The following IL25 variants were observed in gnomAD, a reference collection of about 807,000 sequenced individuals.
The protein encoded by IL25 is interleukin-25.
A neutral mutation model predicts 13.2 loss-of-function variants in IL25; 10 were observed. That is an observed-to-expected ratio of 0.76 (90% CI 0.47 to 1.29). The LOEUF (loss-of-function observed/expected upper bound fraction) is 1.29. IL25 is among the 50% of genes most tolerant of loss of function. The pLI is 0.00. For missense variants in IL25, 235 were observed against 232.4 expected (o/e 1.01, Z -0.07); for synonymous variants, 107 against 92.1 (o/e 1.16, Z -0.93).
In IL25 at chr14:23,373,459, A is replaced by T; in HGVS notation, c.278+63A>T. The T allele has an allele frequency of 2.1e-6, 3 of 1,414,212 alleles. No homozygotes were observed. In the Admixed American group the frequency reaches 5.9e-5, roughly 28 times the overall value. 87.6% of individuals were successfully genotyped at this position (1,414,212 alleles called of 1,614,324 possible). A position where few individuals can be genotyped will look rare whatever the true frequency, so the allele number is the denominator to read the frequency against. ...GTGCTGGCCAGGGTATGCGTGAGGG[A>T]CCAGGGCAATTCCAGCTTACTTTCC... On this transcript the variant is annotated intron_variant, in intron 1 of 1. Transcript: ENST00000329715.
Position 23,372,941 on chromosome 14 carries a change from T to A in IL25, c.-178T>A. The A allele has an allele frequency of 6.2e-7, 1 of 1,611,860 alleles. No homozygotes were observed. The highest frequency in any genetic ancestry group is 8.5e-7 in the Non-Finnish European group (1 of 1,178,366). ...CGAGGCCTGTCAGTCAGTGCCCCAC[T>A]TGTGACTGAGTGTGCAGTGCCCAGC... is the stretch of plus-strand genomic sequence containing the variant. On this transcript the variant is annotated 5_prime_UTR_variant, in exon 1 of 2. It adds an upstream start codon to the 5' untranslated region. Transcript: ENST00000329715.
Position 23,375,444 on chromosome 14 carries a change from G to C in IL25, c.279-181G>C, listed in dbSNP as rs11465520. Among the ~76,000 whole-genome samples, 136 of 152,262 alleles carry C rather than the reference G, an allele frequency of 8.9e-4. 1 individual carries two copies. Among genetic ancestry groups the C allele is most frequent in the African/African-American group, 3.2e-3 (134 of 41,546 alleles). ...TCACCTGCTACCCTCATTTACAGTG[G>C]GGAAAATTTAATAAAGGAGGGAGGT... On this transcript the variant is annotated intron_variant, in intron 1 of 1. Coordinates refer to ENST00000329715, the Ensembl canonical transcript of IL25.
At position 23,373,379 on chromosome 14, in the gene IL25, C is replaced by T. The variant is rs11465505; in HGVS notation, c.261C>T (p.Ile87=). ...ATGGACCCCTCAACAGCAGGGCCATCTCCCCCTGGAGATATGAGTGAGTCT... is the reference window on the plus strand; with the variant it reads ...ATGGACCCCTCAACAGCAGGGCCATTTCCCCCTGGAGATATGAGTGAGTCT... The change falls in exon 1 of 2, where the codon ATC becomes ATT. Residue 87 remains isoleucine (I), a synonymous_variant. Transcript: ENST00000329715. 3.1e-6 allele frequency: 5 copies of T among 1,612,440 alleles called. No homozygotes were observed. The African/African-American group carries it at 4.0e-5, about 13-fold the overall frequency.
At chr14:23,374,857 G>A (rs1890496310) in intron 1 of IL25, among the ~76,000 whole-genome samples, 1 of 152,114 alleles carries the variant, frequency 6.6e-6, no homozygotes, top group Non-Finnish European at 1.5e-5. Context: ...GTTGAGGATA[G>A]CTTCTTCTGG....
intron 1 of IL25, among the ~76,000 whole-genome samples, chr14:23,373,876 G>T (rs1289864539): frequency 6.6e-6 from 1 of 152,186 alleles, no homozygotes; most frequent in East Asian, 1.9e-4. Context: ...ACTTTTGGGG[G>T]CAGCTGGCTG....
chr14:23,375,669 C>T, exon 2 of IL25: 3 of 1,614,214 alleles, frequency 1.9e-6, no homozygotes, highest in Non-Finnish European at 2.5e-6. Flanking sequence ...CTGTACCACG[C>T]CCGTTGCCTG....
chr14:23,375,456 T>C (rs2065768224), intron 1 of IL25, among the ~76,000 whole-genome samples, 169 bp from the exon 3 acceptor site: 1 of 152,090 alleles, frequency 6.6e-6, no homozygotes, highest in Non-Finnish European at 1.5e-5. Flanking sequence ...GAAAATTTAA[T>C]AAAGGAGGGA....
intron 1 of IL25, among the ~76,000 whole-genome samples, chr14:23,373,602 T>G (rs531431626): frequency 4.1e-4 from 52 of 125,406 alleles, no homozygotes; most frequent in Admixed American, 1.3e-3. Flanking sequence ...AAACTCAGGG[T>G]TTTTTTTTTT....
At chr14:23,376,128 A>G (rs1890552122) in exon 2 of IL25, 3 of 536,370 alleles carry the variant, frequency 5.6e-6, no homozygotes, top group African/African-American at 1.9e-5. Context: ...AGGTTTTCAA[A>G]GTTCTGCCCA....
exon 1 of IL25, chr14:23,373,075 G>T: frequency 6.2e-7 from 1 of 1,613,964 alleles, no homozygotes; most frequent in African/African-American, 1.3e-5. Context: ...TGGGGCTGGG[G>T]GCCAAGTGGA....
At chr14:23,375,977 T>C in exon 2 of IL25, 1 of 1,480,326 alleles carries the variant, frequency 6.8e-7, no homozygotes, top group Non-Finnish European at 9.2e-7. Flanking sequence ...GCTTGGCCCC[T>C]GTGAAGTGCT....
exon 2 of IL25, chr14:23,376,166 T>C: frequency 2.3e-6 from 1 of 433,254 alleles, no homozygotes; most frequent in Non-Finnish European, 4.1e-6. Context: ...TCCTGTCTCT[T>C]CCTCTTTTCC....
chr14:23,374,045 A>G (rs1438536824), intron 1 of IL25, among the ~76,000 whole-genome samples: 3 of 152,230 alleles, frequency 2.0e-5, no homozygotes, highest in African/African-American at 7.2e-5. Context: ...ATTAAAAACT[A>G]GGGTCTTAGG....
chr14:23,375,720 A>G (rs1595037453), exon 2 of IL25: 1 of 1,613,858 alleles, frequency 6.2e-7, no homozygotes, highest in East Asian at 2.2e-5. Flanking sequence ...TCCCACATGG[A>G]CCCCCGGGGC....
chr14:23,375,282 T>A (rs1281789540), intron 1 of IL25, among the ~76,000 whole-genome samples: 1 of 151,996 alleles, frequency 6.6e-6, no homozygotes, highest in African/African-American at 2.4e-5. Context: ...CAAAAACACC[T>A]AAAGTGTAAT....
At chr14:23,373,517 G>T in intron 1 of IL25, 121 bp downstream of exon 2, 1 of 834,278 alleles carries the variant, frequency 1.2e-6, no homozygotes, top group Non-Finnish European at 1.8e-6. Flanking sequence ...TAAAGGTTTG[G>T]GAGTTAGACA....
chr14:23,372,976 G>C lies in IL25; in HGVS notation c.-143G>C. 4 of 1,613,934 alleles carry C rather than the reference G, an allele frequency of 2.5e-6. No individual in the cohort carries two copies. Among genetic ancestry groups the C allele is most frequent in the Non-Finnish European group, 3.4e-6 (4 of 1,179,844 alleles). ...GTGTGCAGTGCCCAGCATGTACCAG[G>C]TCAGTGCAGAGGGCTGCCTGAGGGC... On this transcript the variant is annotated 5_prime_UTR_variant, in exon 1 of 2. Transcript: ENST00000329715.
exon 2 of IL25, chr14:23,375,712 C>G: frequency 6.2e-7 from 1 of 1,614,232 alleles, no homozygotes; most frequent in Non-Finnish European, 8.5e-7. Context: ...AGACAGGCTC[C>G]CACATGGACC....
exon 1 of IL25, chr14:23,373,129 G>C (rs759770968): frequency 6.2e-7 from 1 of 1,613,946 alleles, no homozygotes; most frequent in African/African-American, 1.3e-5. Flanking sequence ...ATGAGGGAGC[G>C]ACCCAGATTA....
Sources: allele counts gnomAD v4.1 joint callset (sites outside exome capture counted in the v4.1 genomes callset), GRCh38; gene constraint gnomAD v4.1.1; transcripts MANE v1.5; gene names NCBI Gene and HGNC (gene_info 2026-07-23, HGNC 2026-07-21).